TSC2: variants seen among roughly 807,000 people sequenced by gnomAD.
The protein encoded by TSC2 is TSC complex subunit 2.
Under a neutral mutation model 202.2 loss-of-function variants are expected in TSC2, and 29 were observed. The ratio of observed to expected loss-of-function variants is 0.14; its 90% confidence interval spans 0.11 to 0.20. The LOEUF is 0.20. TSC2 is among the 10% of genes least tolerant of loss of function. TSC2 has a pLI of 1.00. For synonymous variants in TSC2, 1,349 were observed against 1,044.0 expected, an observed-to-expected ratio of 1.29 and a Z score of -5.63; for missense variants, 2,429 against 2,420.0, an observed-to-expected ratio of 1.00 and a Z score of -0.08.
chr16:2,072,117 G>A (rs746826918), intron 19 of TSC2, 124 bp from the exon 20 acceptor site: 18 of 1,564,932 alleles, frequency 1.2e-5, no homozygotes, highest in Admixed American at 3.6e-5. Flanking sequence ...AGGCTCCCCC[G>A]GCTGAGAACA....
intron 31 of TSC2, 111 bp downstream of exon 31, chr16:2,081,909 T>C (rs920221233): frequency 2.4e-5 from 34 of 1,412,698 alleles, no homozygotes; most frequent in Non-Finnish European, 3.1e-5. Context: ...CTGGGAGTGG[T>C]CCCTGGCCTG....
chr16:2,048,091 G>C lies in TSC2; in HGVS notation c.-30+26G>C, dbSNP rs1007410731. 3 of 1,438,746 alleles carry C rather than the reference G, an allele frequency of 2.1e-6. No individual in the cohort carries two copies. The African/African-American group carries it at 4.5e-5, about 22-fold the overall frequency. 89.1% of individuals were successfully genotyped at this position (1,438,746 alleles called of 1,614,324 possible). On this transcript the variant is annotated intron_variant, in intron 1 of 41. Transcript: ENST00000219476. ...GTAAGTGGCGGTCCCCACGGGGCAA[G>C]TGGCGGTCCCCACGGGGCAGCGGCC...
intron 17 of TSC2, 145 bp downstream of exon 17, chr16:2,070,723 C>G: frequency 7.3e-7 from 1 of 1,362,534 alleles, no homozygotes. Context: ...ACTGTGGCCG[C>G]AGCCTCCCCA....
At chr16:2,083,161 C>T (rs1048235455) in intron 32 of TSC2, 13 of 457,280 alleles carry the variant, frequency 2.8e-5, no homozygotes, top group African/African-American at 1.8e-4. Context: ...TTCCTCTCCC[C>T]CTGTCCTGAC....
chr16:2,054,324 T>A lies in TSC2; in HGVS notation c.365T>A (p.Leu122His), dbSNP rs756263581. The change falls in exon 5 of 42, where the codon CTC (leucine) becomes CAC (histidine). Residue 122 changes from leucine (L) to histidine (H), a missense_variant. Leu to His is a moderately conservative substitution (Grantham distance 99). Coordinates refer to ENST00000219476, the MANE Select transcript of TSC2 (RefSeq NM_000548.5). The part of the protein sequence containing the change: ...QGERLGVLRA[L>H]FFKVIKDYPS... Reference sequence around the variant, plus strand: ...GAGCGTTTGGGGGTCCTCAGAGCCCTCTTCTTTAAGGTCATCAAGGATTAC... The same window carrying A: ...GAGCGTTTGGGGGTCCTCAGAGCCCACTTCTTTAAGGTCATCAAGGATTAC... 6.2e-7 allele frequency: 1 copy of A among 1,614,188 alleles called. No homozygotes were observed. The highest frequency in any genetic ancestry group is 8.5e-7 in the Non-Finnish European group (1 of 1,180,028).
intron 1 of TSC2, 32 bp from the exon 2 acceptor site, chr16:2,048,555 C>G (rs774954081): frequency 1.1e-5 from 17 of 1,612,708 alleles, no homozygotes; most frequent in Non-Finnish European, 1.3e-5. Context: ...AGGTGTTGCT[C>G]AGATGTCCCC....
chr16:2,055,579 TA>T (rs1217202194), intron 6 of TSC2, 60 bp downstream of exon 6: 3 of 1,523,364 alleles, frequency 2.0e-6, no homozygotes, highest in Non-Finnish European at 2.7e-6. Context: ...CCGCAGTGAA[TA>T]AAGTTGAAAC....
At chr16:2,082,699 T>C in intron 32 of TSC2, 195 bp downstream of exon 32, 2 of 667,886 alleles carry the variant, frequency 3.0e-6, no homozygotes, top group South Asian at 1.7e-5. Flanking sequence ...ACTTGGTCCC[T>C]TTGTGGCTGA....
intron 30 of TSC2, 82 bp from the exon 31 acceptor site, chr16:2,081,513 C>G: frequency 2.5e-6 from 4 of 1,581,398 alleles, no homozygotes; most frequent in Non-Finnish European, 3.5e-6. Flanking sequence ...AAACCAGGGC[C>G]CAGGCCAGGA....
intron 11 of TSC2, 130 bp from the exon 12 acceptor site, chr16:2,061,741 C>G: frequency 6.7e-7 from 1 of 1,490,322 alleles, no homozygotes. Context: ...GGGCGTCTGT[C>G]CCCATGCGGC....
At chr16:2,081,531 G>A in intron 30 of TSC2, 64 bp from the exon 31 acceptor site, 2 of 1,596,776 alleles carry the variant, frequency 1.3e-6, no homozygotes, top group Non-Finnish European at 8.6e-7. Context: ...GGAGGCCCCT[G>A]GGGGGCCAGA....
At chr16:2,065,189 G>A (rs531863966) in intron 15 of TSC2, 10 of 274,252 alleles carry the variant, frequency 3.6e-5, no homozygotes, top group African/African-American at 1.3e-4. Flanking sequence ...CAAGGCAGGC[G>A]GATCATGAGG....
In TSC2 at chr16:2,082,437, G is replaced by GGCCT. The variant is rs1555512845; in HGVS notation, c.3817_3820dup (p.Ser1274CysfsTer49). Reference sequence around the variant, plus strand: ...GCCGCACACGGCCTTCCCTTGCAGTGGCCTCTTTCTCCTCCCTGTACCAGT... The same window carrying GGCCT: ...GCCGCACACGGCCTTCCCTTGCAGTGGCCTGCCTCTTTCTCCTCCCTGTACCAGT... On this transcript the variant is annotated frameshift_variant and splice_region_variant, in exon 32 of 42. Coordinates refer to ENST00000219476, the MANE Select transcript of TSC2 (RefSeq NM_000548.5). LOFTEE classifies it high-confidence loss of function. 6.2e-7 allele frequency: 1 copy of GGCCT among 1,612,530 alleles called. No homozygotes were observed. The highest frequency in any genetic ancestry group is 8.5e-7 in the Non-Finnish European group (1 of 1,179,992).
intron 16 of TSC2, 40 bp downstream of exon 16, chr16:2,065,675 A>G (rs189013054): frequency 1.7e-5 from 26 of 1,548,672 alleles, no homozygotes; most frequent in Middle Eastern, 1.8e-4. Context: ...CGGGGCGCGC[A>G]TGGCTAGCGT....
chr16:2,073,804 C>G (rs932693231), intron 21 of TSC2, among the ~76,000 whole-genome samples: 2 of 152,238 alleles, frequency 1.3e-5, no homozygotes, highest in African/African-American at 4.8e-5. Flanking sequence ...GGCAGGCCAT[C>G]TGGCCCCGGG....
rs543584836 is a variant in TSC2 at position 2,071,581 on chromosome 16, C to T, written c.1911C>T (p.Val637=). ...TGGGCCTGCCCAACAAGGATGGAGT[C>T]GTGCGGTTCAGCCCCTACTGCGTCT... The part of the protein sequence containing the change: ...HRLGLPNKDG[V]VRFSPYCVCD... The change falls in exon 18 of 42, where the codon GTC becomes GTT. Residue 637 remains valine, a synonymous_variant. Coordinates refer to ENST00000219476, the MANE Select transcript of TSC2 (RefSeq NM_000548.5). 30 of 1,613,482 alleles carry T rather than the reference C, an allele frequency of 1.9e-5. No homozygotes were observed. The Admixed American group carries it at 2.0e-4, about 11-fold the overall frequency.
In TSC2 at chr16:2,050,360, C is replaced by T. The variant is rs751556581; in HGVS notation, c.139-40C>T. 10 of 1,595,912 alleles carry T rather than the reference C, an allele frequency of 6.3e-6. No individual in the cohort carries two copies. The African/African-American group carries it at 1.1e-4, about 17-fold the overall frequency. On this transcript the variant is annotated intron_variant, in intron 2 of 41. Transcript: ENST00000219476. ...GACTTGCAGTTAAGGAGACCGTGGC[C>T]TGAGCACTGGCCCCTTTTTCTTCTT...
At chr16:2,077,129 G>A (rs1411618535) in intron 25 of TSC2, among the ~76,000 whole-genome samples, 1 of 152,246 alleles carries the variant, frequency 6.6e-6, no homozygotes, top group Non-Finnish European at 1.5e-5. Flanking sequence ...GGGGCCGGGG[G>A]CCAAGCTCGG....
intron 6 of TSC2, 84 bp downstream of exon 6, chr16:2,055,603 A>G: frequency 3.7e-6 from 5 of 1,353,070 alleles, no homozygotes; most frequent in Non-Finnish European, 5.3e-6. Flanking sequence ...CCAAAAAAAT[A>G]GAGGTTGGGC....
Sources: gnomAD v4.1 joint callset for allele counts (sites outside exome capture counted in the v4.1 genomes callset) on GRCh38, gnomAD v4.1.1 for gene constraint, MANE v1.5 for transcripts, NCBI Gene and HGNC (gene_info 2026-07-23, HGNC 2026-07-21) for gene names.